The following ERBIN variants were observed in gnomAD, a reference collection of about 807,000 sequenced individuals.
ERBIN encodes erbb2 interacting protein, also known as densin-180-like protein.
ERBIN carries 60 observed loss-of-function variants against 158.4 expected under a neutral mutation model. The ratio of observed to expected loss-of-function variants is 0.38; its 90% CI spans 0.31 to 0.47. The LOEUF (loss-of-function observed/expected upper bound fraction) is 0.47. Ranked by LOEUF, ERBIN falls within the 20% of genes least tolerant of loss-of-function variation. ERBIN has a pLI of 0.99. For missense variants in ERBIN, 1,610 were observed against 1,648.0 expected (o/e 0.98, Z 0.40); for synonymous variants, 594 against 557.2 (o/e 1.07, Z -0.93).
intron 14 of ERBIN, 62 bp downstream of exon 14, chr5:66,028,405 C>A: frequency 7.8e-7 from 1 of 1,289,980 alleles, no homozygotes. Context: ...TTTTGCACTC[C>A]GATTTACATA....
chr5:65,942,418 CTAAG>C (rs1411032831), intron 1 of ERBIN, among the ~76,000 whole-genome samples: 2 of 152,192 alleles, frequency 1.3e-5, no homozygotes, highest in Non-Finnish European at 2.9e-5. Flanking sequence ...TTGGGCTCAT[CTAAG>C]TGAGGAAATT....
At chr5:66,014,775 A>AC in intron 7 of ERBIN, 50 bp downstream of exon 7, 1 of 922,084 alleles carries the variant, frequency 1.1e-6, no homozygotes, top group Non-Finnish European at 1.6e-6. Flanking sequence ...ATTTTTAATG[A>AC]TTAAGTCTTT....
chr5:66,079,423 T>G lies in ERBIN; in HGVS notation c.*893T>G, dbSNP rs1377789050. ...TACTTGCAATCTGTTTTATAATTAG[T>G]GCTCCATTTAAATCTAATTTATAAT... On this transcript the variant is annotated 3_prime_UTR_variant, in exon 26 of 26. Transcript: ENST00000284037. The G allele has an allele frequency of 6.6e-6, 1 of 152,468 alleles. No individual in the cohort carries two copies. The highest frequency in any genetic ancestry group is 1.9e-4 in the East Asian group (1 of 5,200). 9.4% of individuals were successfully genotyped at this position (152,468 alleles called of 1,614,324 possible).
At chr5:65,964,701 C>T (rs1384817089) in intron 1 of ERBIN, among the ~76,000 whole-genome samples, 1 of 151,460 alleles carries the variant, frequency 6.6e-6, no homozygotes, top group African/African-American at 2.4e-5. Context: ...ACTAATCTTG[C>T]CTCTCTATAG....
intron 21 of ERBIN, among the ~76,000 whole-genome samples, chr5:66,068,326 TA>T (rs879539943): frequency 1.2e-3 from 174 of 144,414 alleles, no homozygotes; most frequent in Middle Eastern, 6.9e-3. Flanking sequence ...GTCTACCTCT[TA>T]AAAAAAAAAA....
rs182223759 is a variant in ERBIN, at chr5:65,967,246, A to T, written c.-57-21389A>T. On this transcript the variant is annotated intron_variant, in intron 1 of 25. Transcript: ENST00000284037. ...TAAGGTTTATTATTAAAGAAAAAAA[A>T]TTTTAAATAAATTTACATAGCCTAA... is the stretch of plus-strand genomic sequence containing the variant. Among the ~76,000 whole-genome samples the T allele has an allele frequency of 3.5e-4, 54 of 152,318 alleles. 1 individual carries two copies. Among genetic ancestry groups the T allele is most frequent in the Admixed American group, 3.1e-3 (47 of 15,300 alleles).
intron 21 of ERBIN, among the ~76,000 whole-genome samples, chr5:66,058,146 C>T (rs1759823660): frequency 6.6e-6 from 1 of 151,972 alleles, no homozygotes; most frequent in South Asian, 2.1e-4. Flanking sequence ...TTTACAGTCC[C>T]ACCAACAGTG....
chr5:66,033,225 TTG>T (rs1757063953), intron 14 of ERBIN, among the ~76,000 whole-genome samples: 1 of 152,250 alleles, frequency 6.6e-6, no homozygotes, highest in Non-Finnish European at 1.5e-5. Context: ...TTTAAAAGAT[TTG>T]TGGCACAAGA....
intron 4 of ERBIN, among the ~76,000 whole-genome samples, chr5:66,008,730 T>C (rs1227991263): frequency 6.6e-6 from 1 of 152,166 alleles, no homozygotes; most frequent in Non-Finnish European, 1.5e-5. Flanking sequence ...CCAATAAAGA[T>C]GAGATATTTA....
chr5:66,016,345 G>A (rs1460986855), intron 7 of ERBIN, among the ~76,000 whole-genome samples: 1 of 151,990 alleles, frequency 6.6e-6, no homozygotes, highest in African/African-American at 2.4e-5. Flanking sequence ...GATATCATAG[G>A]CAATTAACTG....
Position 66,053,735 on chromosome 5 carries a change from A to G in ERBIN, c.2417A>G (p.His806Arg), listed in dbSNP as rs149409198. ...LSINSKEETEHLENGNKYPNL... is the reference protein window; with the variant it reads ...LSINSKEETERLENGNKYPNL... ...ATTAATTCTAAAGAGGAAACTGAGC[A>G]CTTGGAAAATGGAAACAAGTATCCT... The change falls in exon 21 of 26, where the codon CAC becomes CGC. Residue 806 changes from histidine (H) to arginine (R), a missense_variant. His to Arg is a conservative substitution (Grantham distance 29, BLOSUM62 0). Around this residue, in one of 2 missense-constraint regions of ERBIN, gnomAD observed 1,014 missense variants for 936.1 expected, o/e 1.08. Transcript: ENST00000284037. The G allele has an allele frequency of 2.7e-4, 438 of 1,613,832 alleles. 1 individual carries two copies. In the African/African-American group the frequency reaches 5.3e-3, roughly 20 times the overall value.
At chr5:65,996,675 GAATTTTGGT>G (rs1242603529) in intron 4 of ERBIN, among the ~76,000 whole-genome samples, 3 of 152,082 alleles carry the variant, frequency 2.0e-5, no homozygotes, top group Non-Finnish European at 4.4e-5. Context: ...AATGTCACTG[GAATTTTGGT>G]AGGGATTGGG....
At chr5:65,928,175 A>G (rs1742905659) in intron 1 of ERBIN, among the ~76,000 whole-genome samples, 1 of 152,084 alleles carries the variant, frequency 6.6e-6, no homozygotes, top group Admixed American at 6.5e-5. Context: ...TACATCTCCA[A>G]AGGCAGTCCT....
chr5:66,064,981 T>C (rs531396873), intron 21 of ERBIN, among the ~76,000 whole-genome samples: 2 of 152,192 alleles, frequency 1.3e-5, no homozygotes, highest in Non-Finnish European at 2.9e-5. Flanking sequence ...ATTACAGATG[T>C]GAGCCACCAT....
intron 16 of ERBIN, among the ~76,000 whole-genome samples, chr5:66,043,884 A>G (rs1758160706): frequency 6.6e-6 from 1 of 152,206 alleles, no homozygotes; most frequent in African/African-American, 2.4e-5. Context: ...TATTCATACT[A>G]TATATCTCTA....
At position 66,078,449 on chromosome 5, in the gene ERBIN, T is replaced by C; in HGVS notation, c.4158T>C (p.Ile1386=). Residue 1386 remains isoleucine, a synonymous_variant, in exon 26 of 26, where the codon ATT becomes ATC. Transcript: ENST00000284037. The part of the protein sequence containing the change: ...IQANGYSFIN[I]EHGQAVSLLK... ...CTAATGGCTACAGTTTTATAAATATTGAACATGGACAAGCAGTGTCCTTGC... is the reference window on the plus strand; with the variant it reads ...CTAATGGCTACAGTTTTATAAATATCGAACATGGACAAGCAGTGTCCTTGC... The C allele has an allele frequency of 6.3e-7, 1 of 1,585,120 alleles. No individual in the cohort carries two copies. Among genetic ancestry groups the C allele is most frequent in the Non-Finnish European group, 8.5e-7 (1 of 1,171,618 alleles).
At chr5:66,059,144 T>G (rs1033224231) in intron 21 of ERBIN, among the ~76,000 whole-genome samples, 3 of 152,182 alleles carry the variant, frequency 2.0e-5, no homozygotes, top group African/African-American at 7.2e-5. Context: ...GCCATTTTCA[T>G]GATATTGATT....
chr5:65,977,033 A>G (rs1258521639), intron 1 of ERBIN, among the ~76,000 whole-genome samples: 1 of 152,146 alleles, frequency 6.6e-6, no homozygotes, highest in African/African-American at 2.4e-5. Flanking sequence ...GCTGTTGGGT[A>G]CACCTCGCAG....
intron 1 of ERBIN, among the ~76,000 whole-genome samples, chr5:65,931,522 C>G (rs1214965406): frequency 6.6e-6 from 1 of 152,014 alleles, no homozygotes; most frequent in Non-Finnish European, 1.5e-5. Context: ...TTTGGTTTGA[C>G]TCAAAACAGA....
Sources: allele counts gnomAD v4.1 joint callset (sites outside exome capture counted in the v4.1 genomes callset), GRCh38; gene constraint gnomAD v4.1.1; regional missense constraint gnomAD v4.1.1; transcripts MANE v1.5; gene names NCBI Gene and HGNC (gene_info 2026-07-23, HGNC 2026-07-21).